Variants in ZNF347 observed in about 807,000 individuals in gnomAD.
ZNF347 encodes the protein zinc finger protein 347.
In ZNF347, 19 loss-of-function variants were observed where a neutral mutation model predicts 12.9. The observed-to-expected ratio is 1.47, with a 90% CI of 1.03 to 2.16. The LOEUF (loss-of-function observed/expected upper bound fraction) is 2.16, where lower values mean the gene tolerates loss of function less well. Among genes scored for constraint, ZNF347 ranks in the 30% most tolerant of loss-of-function variants. The pLI is 0.00. For synonymous variants in ZNF347, 328 were observed against 340.6 expected, an observed-to-expected ratio of 0.96 and a Z score of 0.41; for missense variants, 1,005 against 990.6, an observed-to-expected ratio of 1.01 and a Z score of -0.19.
In ZNF347 at chr19:53,140,207, G is replaced by A. The variant is rs1214063854; in HGVS notation, c.*101C>T. ...GAGCCACTGCACCCAGCCAGTCATT[G>A]CATTTTCAAGGAATCTCTCAGGCAT... On this transcript the variant is annotated 3_prime_UTR_variant, in exon 5 of 5. Coordinates refer to ENST00000334197, the MANE Select transcript of ZNF347 (RefSeq NM_032584.3). 5 of 1,212,068 alleles carry A rather than the reference G, an allele frequency of 4.1e-6. No individual in the cohort carries two copies. In the South Asian group the frequency reaches 4.6e-5, roughly 11 times the overall value. The allele number at this position is 1,212,068 out of a possible 1,614,324, so 75.1% of individuals were successfully genotyped here. A position where few individuals can be genotyped will look rare whatever the true frequency, so the allele number is the denominator to read the frequency against.
chr19:53,143,942 C>T lies in ZNF347; in HGVS notation c.272-1386G>A, dbSNP rs1047649411. 2.0e-5 allele frequency among the ~76,000 whole-genome samples: 3 copies of T among 152,130 alleles called. 1 individual carries two copies. Among genetic ancestry groups the T allele is most frequent in the Admixed American group, 2.0e-4 (3 of 15,270 alleles). ...ATTCTAACTGGTGTGAGACGTAAGC[C>T]TTATTTTATGGTCACCACAAAGTAA... On this transcript the variant is annotated intron_variant, in intron 4 of 4. Coordinates refer to ENST00000334197, the MANE Select transcript of ZNF347 (RefSeq NM_032584.3).
rs1247463345 is a variant in ZNF347, at chr19:53,135,807, GTGAT to G, written c.*4497_*4500del. On this transcript the variant is annotated 3_prime_UTR_variant, in exon 5 of 5. Coordinates refer to ENST00000334197, the MANE Select transcript of ZNF347 (RefSeq NM_032584.3). ...AATAACTGTGATTCTTACTCTAAAT[GTGAT>G]TGATATAAAATATATATGCAAAGAT... 9 of 152,114 alleles carry G rather than the reference GTGAT, an allele frequency of 5.9e-5. No individual in the cohort carries two copies. The highest frequency in any genetic ancestry group is 5.9e-4 in the Admixed American group (9 of 15,274). The allele number at this position is 152,114 out of a possible 1,614,324, so 9.4% of individuals were successfully genotyped here.
intron 4 of ZNF347, among the ~76,000 whole-genome samples, chr19:53,147,750 A>C (rs1448456729): frequency 6.6e-6 from 1 of 152,178 alleles, no homozygotes; most frequent in Non-Finnish European, 1.5e-5. Context: ...ACTACCCCTG[A>C]TGAATATACA....
chr19:53,142,638 C>T (rs547650978), intron 4 of ZNF347, 82 bp from the exon 5 acceptor site: 117 of 1,088,908 alleles, frequency 1.1e-4, no homozygotes, highest in African/African-American at 2.9e-4. Flanking sequence ...AATATTACAC[C>T]GAAAAACAAT....
chr19:53,149,351 C>T lies in ZNF347; in HGVS notation c.32G>A (p.Arg11Lys), dbSNP rs1285814055. MALTQGQVTF[R>K]DVAIEFSQEE... ...CTGAGAGAATTCTATAGCCACATCCCTGAATGTCACCTGTCCCTAAAATGA... is the reference window on the plus strand; with the variant it reads ...CTGAGAGAATTCTATAGCCACATCCTTGAATGTCACCTGTCCCTAAAATGA... The change falls in exon 3 of 5, where the codon AGG (arginine) becomes AAG (lysine). Residue 11 changes from arginine (R) to lysine (K), a missense_variant. By Grantham distance (26) the Arg-to-Lys change is conservative. Coordinates refer to ENST00000334197, the MANE Select transcript of ZNF347 (RefSeq NM_032584.3). 2.5e-6 allele frequency: 4 copies of T among 1,613,812 alleles called. No homozygotes were observed. The highest frequency in any genetic ancestry group is 1.7e-5 in the Admixed American group (1 of 59,990).
Position 53,152,111 on chromosome 19 carries a change from AT to A in ZNF347, c.15+1621del, listed in dbSNP as rs1239572281. Among the ~76,000 whole-genome samples, 238 of 150,670 alleles carry A rather than the reference AT, an allele frequency of 1.6e-3. 1 individual carries two copies. Among genetic ancestry groups the A allele is most frequent in the African/African-American group, 5.5e-3 (226 of 40,918 alleles). On this transcript the variant is annotated intron_variant, in intron 2 of 4. Coordinates refer to ENST00000334197, the MANE Select transcript of ZNF347 (RefSeq NM_032584.3). ...CTGTCTCAAAAAAAAAAAAAAAAAA[AT>A]CATGATGTGTGCTTAATAAAAAAAC...
At chr19:53,158,311 G>A (rs1158940167) in intron 1 of ZNF347, among the ~76,000 whole-genome samples, 2 of 152,176 alleles carry the variant, frequency 1.3e-5, no homozygotes, top group Non-Finnish European at 1.5e-5. Context: ...GGGTCTGCAG[G>A]ATGCCAGGAC....
intron 4 of ZNF347, among the ~76,000 whole-genome samples, chr19:53,147,027 G>C (rs1409203769): frequency 6.6e-6 from 1 of 152,142 alleles, no homozygotes; most frequent in African/African-American, 2.4e-5. Flanking sequence ...CTTGATGCCA[G>C]AAGTTTGAGA....
chr19:53,142,467 G>T lies in ZNF347; in HGVS notation c.361C>A (p.Gln121Lys), dbSNP rs1407705604. Residue 121 changes from glutamine (Q) to lysine (K), a missense_variant, in exon 5 of 5, where the codon CAG becomes AAG. Gln to Lys is a moderately conservative substitution (Grantham distance 53). Transcript: ENST00000334197. Reference sequence around the variant, plus strand: ...CATCCTTCAATGTCTTGGCTTTCCTGTCTTTCCAACATCACTGTTTGGAAT... The same window carrying T: ...CATCCTTCAATGTCTTGGCTTTCCTTTCTTTCCAACATCACTGTTTGGAAT... Reference protein sequence around the residue: ...EVFQTVMLERQESQDIEGCSF... With the variant: ...EVFQTVMLERKESQDIEGCSF... 1 of 1,613,930 alleles carries T rather than the reference G, an allele frequency of 6.2e-7. No homozygotes were observed. Among genetic ancestry groups the T allele is most frequent in the Admixed American group, 1.7e-5 (1 of 59,986 alleles).
chr19:53,154,971 C>T (rs2090522518), intron 1 of ZNF347, among the ~76,000 whole-genome samples: 1 of 151,070 alleles, frequency 6.6e-6, no homozygotes, highest in Admixed American at 6.6e-5. Flanking sequence ...AAGTCTCACT[C>T]TTGTCACCCA....
At chr19:53,145,283 C>T (rs764687112) in intron 4 of ZNF347, among the ~76,000 whole-genome samples, 2 of 73,796 alleles carry the variant, frequency 2.7e-5, no homozygotes, top group Non-Finnish European at 5.0e-5. Flanking sequence ...GAGCAAGAGT[C>T]TGTCTAGAAA....
chr19:53,146,103 G>A (rs1345607085), intron 4 of ZNF347, among the ~76,000 whole-genome samples: 1 of 151,924 alleles, frequency 6.6e-6, no homozygotes, highest in Non-Finnish European at 1.5e-5. Flanking sequence ...AGCCTCCCGA[G>A]TAGCTGGGAT....
rs1054819976 is a variant in ZNF347 at position 53,141,663 on chromosome 19, C to G, written c.1165G>C (p.Ala389Pro). 1 of 1,613,214 alleles carries G rather than the reference C, an allele frequency of 6.2e-7. No homozygotes were observed. Among genetic ancestry groups the G allele is most frequent in the African/African-American group, 1.3e-5 (1 of 74,624 alleles). The change falls in exon 5 of 5, where the codon GCT becomes CCT. Residue 389 changes from alanine (A) to proline (P), a missense_variant. By Grantham distance (27) the Ala-to-Pro change is conservative. Coordinates refer to ENST00000334197, the MANE Select transcript of ZNF347 (RefSeq NM_032584.3). The stretch of plus-strand genomic sequence containing the variant: ...CCACTGTGGGTTGCCTGATGGATAG[C>G]TAAGCTTGAACGAGCTCTAAAGGCT... ...GKAFRARSSL[A>P]IHQATHSGEK...
chr19:53,144,250 A>G (rs1254023241), intron 4 of ZNF347, among the ~76,000 whole-genome samples: 1 of 152,200 alleles, frequency 6.6e-6, no homozygotes, highest in Non-Finnish European at 1.5e-5. Context: ...CTTCACCTAT[A>G]AGGATACATG....
In ZNF347 at chr19:53,137,514, T is replaced by G. The variant is rs895257188; in HGVS notation, c.*2794A>C. 1 of 152,186 alleles carries G rather than the reference T, an allele frequency of 6.6e-6. No individual in the cohort carries two copies. The highest frequency in any genetic ancestry group is 2.4e-5 in the African/African-American group (1 of 41,448). 9.4% of individuals were successfully genotyped at this position (152,186 alleles called of 1,614,324 possible). On this transcript the variant is annotated 3_prime_UTR_variant, in exon 5 of 5. Transcript: ENST00000334197. ...ATCCTGCTTCTCACAGAAAGCCTCA[T>G]TATGCAATACACATTTCCCTAAAAC...
At chr19:53,144,503 T>C (rs895522839) in intron 4 of ZNF347, among the ~76,000 whole-genome samples, 5 of 152,090 alleles carry the variant, frequency 3.3e-5, no homozygotes, top group African/African-American at 9.7e-5. Flanking sequence ...ACAATAATAT[T>C]AGGGGACTTC....
In ZNF347 at chr19:53,140,720, T is replaced by G; in HGVS notation, c.2108A>C (p.His703Pro). Residue 703 changes from histidine (H) to proline (P), a missense_variant, in exon 5 of 5, where the codon CAT becomes CCT. His to Pro is a moderately conservative substitution (Grantham distance 77). Transcript: ENST00000334197. The stretch of plus-strand genomic sequence containing the variant: ...ACACTCATATGGTTTCTCTCCAGTA[T>G]GAACTCTCTGATGCCTTGCAAGCTT... ...TSKLARHQRV[H>P]TGEKPYECNQ... The G allele has an allele frequency of 6.2e-7, 1 of 1,613,492 alleles. No individual in the cohort carries two copies. Among genetic ancestry groups the G allele is most frequent in the Non-Finnish European group, 8.5e-7 (1 of 1,179,676 alleles).
At chr19:53,151,079 G>A (rs546319981) in intron 2 of ZNF347, among the ~76,000 whole-genome samples, 12 of 152,234 alleles carry the variant, frequency 7.9e-5, no homozygotes, top group African/African-American at 2.6e-4. Flanking sequence ...GTACTAACTT[G>A]TATATGAATA....
chr19:53,136,206 A>G lies in ZNF347; in HGVS notation c.*4102T>C, dbSNP rs2146792318. On this transcript the variant is annotated 3_prime_UTR_variant, in exon 5 of 5. Transcript: ENST00000334197. ...ATCTAGTATCCCTGTACTTTAATTG[A>G]ACTAAAGATTTACAAGGACACTCCA... 1 of 150,546 alleles carries G rather than the reference A, an allele frequency of 6.6e-6. No individual in the cohort carries two copies. Among genetic ancestry groups the G allele is most frequent in the East Asian group, 1.9e-4 (1 of 5,148 alleles). The allele number at this position is 150,546 out of a possible 1,614,324, so 9.3% of individuals were successfully genotyped here. A position where few individuals can be genotyped will look rare whatever the true frequency, so the allele number is the denominator to read the frequency against.
Sources: gnomAD v4.1 joint callset for allele counts (sites outside exome capture counted in the v4.1 genomes callset) on GRCh38, gnomAD v4.1.1 for gene constraint, MANE v1.5 for transcripts, NCBI Gene and HGNC (gene_info 2026-07-23, HGNC 2026-07-21) for gene names.